Variants in AGAP1 observed in about 807,000 individuals in gnomAD.
AGAP1 encodes the protein arf-GAP with GTPase, ANK repeat and PH domain-containing protein 1.
Under a neutral mutation model 105.3 loss-of-function variants are expected in AGAP1, and 29 were observed. The observed-to-expected ratio is 0.28, with a 90% CI of 0.21 to 0.38. The LOEUF is 0.38. Among genes scored for constraint, AGAP1 ranks in the 10% least tolerant of loss-of-function variants. AGAP1 has a pLI of 1.00. For missense variants in AGAP1, 998 were observed against 1,165.1 expected (o/e 0.86, Z 2.09); for synonymous variants, 509 against 485.9 (o/e 1.05, Z -0.63).
At chr2:235,800,956 C>T (rs1957467568) in intron 8 of AGAP1, among the ~76,000 whole-genome samples, 1 of 152,170 alleles carries the variant, frequency 6.6e-6, no homozygotes, top group African/African-American at 2.4e-5. Flanking sequence ...GATTTGCTGC[C>T]CCTTTGTGAA....
In AGAP1 at chr2:235,958,641, G is replaced by A. The variant is rs1250544480; in HGVS notation, c.1484-9821G>A. On this transcript the variant is annotated intron_variant, in intron 12 of 17. Coordinates refer to ENST00000304032, the MANE Select transcript of AGAP1 (RefSeq NM_001037131.3). This position sits in a 1 kb window ranked among gnomAD's most constrained non-coding sequence, Gnocchi z 4.1. ...AGAGTTAATTGTAAGGTTCGATATG[G>A]CATCTTGTCAGCAGAGATAAGTTGT... is the stretch of plus-strand genomic sequence containing the variant. Among the ~76,000 whole-genome samples, 1 of 152,136 alleles carries A rather than the reference G, an allele frequency of 6.6e-6. No homozygotes were observed. The highest frequency in any genetic ancestry group is 1.5e-5 in the Non-Finnish European group (1 of 68,034).
chr2:235,926,531 A>G (rs4663219), intron 11 of AGAP1, among the ~76,000 whole-genome samples: 48,715 of 152,138 alleles, frequency 0.32, 8,816 homozygotes, highest in Admixed American at 0.46. Flanking sequence ...CAGAAACAAT[A>G]TTTCTGACCC....
In AGAP1 at chr2:235,689,330, C is replaced by T. The variant is rs943733475; in HGVS notation, c.164-19849C>T. 2.0e-5 allele frequency among the ~76,000 whole-genome samples: 3 copies of T among 152,204 alleles called. No individual in the cohort carries two copies. Among genetic ancestry groups the T allele is most frequent in the Non-Finnish European group, 2.9e-5 (2 of 68,032 alleles). ...ACAAGTCACTGCACAGCTCACCACG[C>T]GGGCCTGGAGTGAGCCTGCTGCTGT... On this transcript the variant is annotated intron_variant, in intron 1 of 17. Transcript: ENST00000304032. The surrounding 1 kb of genome is among the most constrained non-coding windows in gnomAD (Gnocchi z 4.2).
At position 236,126,714 on chromosome 2, in the gene AGAP1, C is replaced by T. The variant is rs2060009307; in HGVS notation, c.*2592C>T. On this transcript the variant is annotated 3_prime_UTR_variant, in exon 18 of 18. Transcript: ENST00000304032. Reference sequence around the variant, plus strand: ...ATCTGCTCCACTCCGCAGCCACTTTCTAGGGCCCAAGTTTTGGTAGCAGAA... The same window carrying T: ...ATCTGCTCCACTCCGCAGCCACTTTTTAGGGCCCAAGTTTTGGTAGCAGAA... The T allele has an allele frequency of 6.6e-6, 1 of 152,092 alleles. No homozygotes were observed. Among genetic ancestry groups the T allele is most frequent in the African/African-American group, 2.4e-5 (1 of 41,398 alleles). 9.4% of individuals were successfully genotyped at this position (152,092 alleles called of 1,614,324 possible).
Position 235,535,628 on chromosome 2 carries a change from G to C in AGAP1, c.163+40779G>C, listed in dbSNP as rs569755484. 6.6e-6 allele frequency among the ~76,000 whole-genome samples: 1 copy of C among 152,066 alleles called. No individual in the cohort carries two copies. The highest frequency in any genetic ancestry group is 1.5e-5 in the Non-Finnish European group (1 of 68,008). ...GACCCTGGGGGCCGGGCGGGGCTGTGCCAGGCACCCGCGTCGCGCTCCAGC... is the reference window on the plus strand; with the variant it reads ...GACCCTGGGGGCCGGGCGGGGCTGTCCCAGGCACCCGCGTCGCGCTCCAGC... On this transcript the variant is annotated intron_variant, in intron 1 of 17. Coordinates refer to ENST00000304032, the MANE Select transcript of AGAP1 (RefSeq NM_001037131.3). This position sits in a 1 kb window ranked among gnomAD's most constrained non-coding sequence, Gnocchi z 5.1.
rs1054526169 is a variant in AGAP1, at chr2:235,728,846, A to G, written c.310+11202A>G. 5.0e-4 allele frequency among the ~76,000 whole-genome samples: 76 copies of G among 152,156 alleles called. No individual in the cohort carries two copies. The highest frequency in any genetic ancestry group is 1.8e-3 in the African/African-American group (74 of 41,496). ...GCATTGCCCTCTAGACACTAAGAAG[A>G]AGGGAGTAGGTTTAGGTTGGATGAA... On this transcript the variant is annotated intron_variant, in intron 3 of 17. Transcript: ENST00000304032. The surrounding 1 kb of genome is among the most constrained non-coding windows in gnomAD (Gnocchi z 4.3).
chr2:235,820,144 C>T (rs936828913), intron 9 of AGAP1, among the ~76,000 whole-genome samples: 1 of 152,098 alleles, frequency 6.6e-6, no homozygotes, highest in Non-Finnish European at 1.5e-5. Flanking sequence ...AGGTGATCTG[C>T]CTGCCTCGGC....
At chr2:235,682,832 C>T (rs950975373) in intron 1 of AGAP1, among the ~76,000 whole-genome samples, 26 of 114,844 alleles carry the variant, frequency 2.3e-4, no homozygotes, top group Non-Finnish European at 3.1e-4. Context: ...TCAGGCAGCA[C>T]GAGCACGGAA....
intron 1 of AGAP1, among the ~76,000 whole-genome samples, chr2:235,568,942 C>A (rs942126630): frequency 6.6e-6 from 1 of 152,184 alleles, no homozygotes; most frequent in African/African-American, 2.4e-5. Context: ...CCTGTGATTA[C>A]ATTGAACCCA....
chr2:235,770,133 C>CTTTTTTTTTTTTTTTTTTTTTTTTT (rs57008190), intron 6 of AGAP1, among the ~76,000 whole-genome samples: 22 of 136,654 alleles, frequency 1.6e-4, no homozygotes, highest in Non-Finnish European at 2.4e-4. Flanking sequence ...TTCTTTGTTT[C>CTTTTTTTTTTTTTTTTTTTTTTTTT]TTTTTTTTTT....
At chr2:235,975,930 C>G (rs1350463770) in intron 13 of AGAP1, among the ~76,000 whole-genome samples, 1 of 152,200 alleles carries the variant, frequency 6.6e-6, no homozygotes, top group Non-Finnish European at 1.5e-5. Context: ...TCCTTATTAG[C>G]AAACCACTGG....
At chr2:235,530,039 TAAGAA>T (rs906883125) in intron 1 of AGAP1, among the ~76,000 whole-genome samples, 3 of 152,156 alleles carry the variant, frequency 2.0e-5, no homozygotes, top group African/African-American at 7.2e-5. Context: ...CCCCAGACAC[TAAGAA>T]GAGAAGGCAC....
intron 12 of AGAP1, among the ~76,000 whole-genome samples, chr2:235,949,454 T>G (rs911417966): frequency 6.6e-6 from 1 of 152,108 alleles, no homozygotes; most frequent in African/African-American, 2.4e-5. Context: ...ACCATGAAAT[T>G]CCTGATTATG....
rs1040339670 is a variant in AGAP1, at chr2:236,000,726, T to C, written c.1645+32103T>C. 1.3e-4 allele frequency among the ~76,000 whole-genome samples: 20 copies of C among 152,162 alleles called. No individual in the cohort carries two copies. Among genetic ancestry groups the C allele is most frequent in the African/African-American group, 4.6e-4 (19 of 41,438 alleles). On this transcript the variant is annotated intron_variant, in intron 13 of 17. Transcript: ENST00000304032. The surrounding 1 kb of genome is among the most constrained non-coding windows in gnomAD (Gnocchi z 4.3). ...ACATGCCTGAGGCAATCAGCCCCGATGGTGTGGCGGGGCAGGTACTAGAGA... is the reference window on the plus strand; with the variant it reads ...ACATGCCTGAGGCAATCAGCCCCGACGGTGTGGCGGGGCAGGTACTAGAGA...
intron 10 of AGAP1, among the ~76,000 whole-genome samples, chr2:235,895,984 C>T (rs996517329): frequency 6.6e-6 from 1 of 152,112 alleles, no homozygotes; most frequent in Non-Finnish European, 1.5e-5. Flanking sequence ...ACAACATTTG[C>T]CACCTTAATC....
In AGAP1 at chr2:235,992,719, G is replaced by A. The variant is rs967993131; in HGVS notation, c.1645+24096G>A. Among the ~76,000 whole-genome samples, 1 of 152,146 alleles carries A rather than the reference G, an allele frequency of 6.6e-6. No homozygotes were observed. Among genetic ancestry groups the A allele is most frequent in the African/African-American group, 2.4e-5 (1 of 41,426 alleles). ...TCAACTCACCAAGAATATCGTGGCC[G>A]CTGAGGTCCTGCACACCTGGGGATG... On this transcript the variant is annotated intron_variant, in intron 13 of 17. Coordinates refer to ENST00000304032, the MANE Select transcript of AGAP1 (RefSeq NM_001037131.3). This position sits in a 1 kb window ranked among gnomAD's most constrained non-coding sequence, Gnocchi z 4.8.
In AGAP1 at chr2:236,016,865, T is replaced by G. The variant is rs576723413; in HGVS notation, c.1646-19696T>G. Among the ~76,000 whole-genome samples the G allele has an allele frequency of 1.8e-4, 28 of 152,292 alleles. No homozygotes were observed. In the East Asian group the frequency reaches 5.2e-3, roughly 28 times the overall value. Reference sequence around the variant, plus strand: ...TTCATTTTTCTCAGTTATAGTAAGTTTCTGTTTGGTGTTCAAGGTCATGTA... The same window carrying G: ...TTCATTTTTCTCAGTTATAGTAAGTGTCTGTTTGGTGTTCAAGGTCATGTA... On this transcript the variant is annotated intron_variant, in intron 13 of 17. Coordinates refer to ENST00000304032, the MANE Select transcript of AGAP1 (RefSeq NM_001037131.3).
chr2:236,041,026 C>A (rs565928557), intron 15 of AGAP1, among the ~76,000 whole-genome samples, 185 bp downstream of exon 15: 51 of 152,264 alleles, frequency 3.3e-4, no homozygotes, highest in African/African-American at 1.2e-3. Flanking sequence ...ACAAGCCTCA[C>A]CCCTGGCTGC....
At chr2:235,634,067 TG>T (rs982907680) in intron 1 of AGAP1, among the ~76,000 whole-genome samples, 24 of 152,174 alleles carry the variant, frequency 1.6e-4, no homozygotes, top group African/African-American at 5.5e-4. Flanking sequence ...CTAAAGATCT[TG>T]GGTGGGCGGG....
Sources: allele counts gnomAD v4.1 joint callset (sites outside exome capture counted in the v4.1 genomes callset), GRCh38; gene constraint gnomAD v4.1.1; non-coding constraint Gnocchi (gnomAD v3.1); transcripts MANE v1.5; gene names NCBI Gene and HGNC (gene_info 2026-07-23, HGNC 2026-07-21).